Variants in RAB40B observed in about 807,000 individuals in gnomAD.
RAB40B encodes the protein RAB40B, member RAS oncogene family, also known as ras-related protein Rab-40B.
Under a neutral mutation model 24.0 loss-of-function variants are expected in RAB40B, and 21 were observed. The ratio of observed to expected loss-of-function variants is 0.88; its 90% CI spans 0.62 to 1.26. The LOEUF (loss-of-function observed/expected upper bound fraction) is 1.26. Among genes scored for constraint, RAB40B ranks in the 50% most tolerant of loss-of-function variants. The probability of loss-of-function intolerance (pLI) is 0.00; values close to 1 mark genes in which losing one functional copy is unlikely to be tolerated. For missense variants in RAB40B, 348 were observed against 390.5 expected (o/e 0.89, Z 0.92); for synonymous variants, 167 against 169.8 (o/e 0.98, Z 0.13).
At chr17:82,659,492 T>G in intron 4 of RAB40B, 88 bp downstream of exon 4, 1 of 1,346,236 alleles carries the variant, frequency 7.4e-7, no homozygotes, top group African/African-American at 1.4e-5. Context: ...TGGGTACCCA[T>G]GAGCCCTGGA....
At chr17:82,664,343 ACGG>A (rs2046225782) in intron 2 of RAB40B, among the ~76,000 whole-genome samples, 150 bp downstream of exon 2, 1 of 107,424 alleles carries the variant, frequency 9.3e-6, no homozygotes, top group African/African-American at 3.8e-5. Context: ...TGCTGTGCCG[ACGG>A]TGGTGGTGGG....
At chr17:82,687,908 C>T (rs190603182) in intron 1 of RAB40B, among the ~76,000 whole-genome samples, 3 of 152,276 alleles carry the variant, frequency 2.0e-5, no homozygotes, top group African/African-American at 7.2e-5. Flanking sequence ...CCTCTCTCTA[C>T]TAAAAATAAA....
chr17:82,697,767 G>T lies in RAB40B; in HGVS notation c.142+688C>A, dbSNP rs1377611274. Among the ~76,000 whole-genome samples, 1 of 152,142 alleles carries T rather than the reference G, an allele frequency of 6.6e-6. No individual in the cohort carries two copies. Among genetic ancestry groups the T allele is most frequent in the Non-Finnish European group, 1.5e-5 (1 of 68,020 alleles). The stretch of plus-strand genomic sequence containing the variant: ...CAAGCCTCAAACTTGGGGGATCCCC[G>T]GGCTGCCTGCCTGGGAGCTCTGGGC... On this transcript the variant is annotated intron_variant, in intron 1 of 5. Coordinates refer to ENST00000571995, the MANE Select transcript of RAB40B (RefSeq NM_006822.3). This position sits in a 1 kb window ranked among gnomAD's most constrained non-coding sequence, Gnocchi z 4.9.
intron 2 of RAB40B, chr17:82,662,869 C>G: frequency 1.0e-6 from 1 of 960,986 alleles, no homozygotes; most frequent in Non-Finnish European, 1.2e-6. Flanking sequence ...ACGCGCCAGC[C>G]CTGATGCAAG....
intron 3 of RAB40B, among the ~76,000 whole-genome samples, chr17:82,660,487 A>G (rs1432705421): frequency 6.8e-6 from 1 of 146,920 alleles, no homozygotes; most frequent in Non-Finnish European, 1.5e-5. Flanking sequence ...GCACACGTGT[A>G]CACATACACG....
chr17:82,674,177 C>T (rs1215051221), intron 1 of RAB40B, among the ~76,000 whole-genome samples: 4 of 151,620 alleles, frequency 2.6e-5, no homozygotes, highest in Non-Finnish European at 5.9e-5. Flanking sequence ...CCCAACTCTA[C>T]TAAAAATACA....
intron 1 of RAB40B, among the ~76,000 whole-genome samples, chr17:82,689,898 C>G (rs1432243519): frequency 2.0e-5 from 3 of 146,942 alleles, no homozygotes. Flanking sequence ...ACCCAGGAGG[C>G]GGAGGTTGCA....
At chr17:82,669,139 A>G (rs1276723261) in intron 1 of RAB40B, among the ~76,000 whole-genome samples, 1 of 151,914 alleles carries the variant, frequency 6.6e-6, no homozygotes, top group African/African-American at 2.4e-5. Context: ...GGAATTCGAA[A>G]CCAGCCTGGG....
intron 1 of RAB40B, among the ~76,000 whole-genome samples, chr17:82,668,505 C>T (rs934397929): frequency 6.6e-6 from 1 of 152,270 alleles, no homozygotes; most frequent in Non-Finnish European, 1.5e-5. Context: ...ACCCTCAGCC[C>T]TCCCTCAGCT....
intron 1 of RAB40B, among the ~76,000 whole-genome samples, chr17:82,683,969 C>T (rs2046470813): frequency 2.0e-5 from 3 of 152,038 alleles, no homozygotes; most frequent in Admixed American, 2.0e-4. Context: ...GCCTGTAATC[C>T]CAGCACTTTG....
intron 1 of RAB40B, among the ~76,000 whole-genome samples, chr17:82,673,738 G>A (rs1312797941): frequency 1.3e-5 from 2 of 152,204 alleles, no homozygotes; most frequent in South Asian, 2.1e-4. Context: ...ACACCTTGTG[G>A]GCCTTGCTGT....
In RAB40B at chr17:82,657,750, C is replaced by G. The variant is rs188137213; in HGVS notation, c.*113G>C. ...TCACACGGAAGGCGTCGCACACATTCGCAAGCAGCATTCGCCGAGAGGAAC... is the reference window on the plus strand; with the variant it reads ...TCACACGGAAGGCGTCGCACACATTGGCAAGCAGCATTCGCCGAGAGGAAC... On this transcript the variant is annotated 3_prime_UTR_variant, in exon 6 of 6. Coordinates refer to ENST00000571995, the MANE Select transcript of RAB40B (RefSeq NM_006822.3). The G allele has an allele frequency of 3.1e-6, 4 of 1,301,716 alleles. No homozygotes were observed. The highest frequency in any genetic ancestry group is 2.2e-6 in the Non-Finnish European group (2 of 897,716). 80.6% of individuals were successfully genotyped at this position (1,301,716 alleles called of 1,614,324 possible). A position where few individuals can be genotyped will look rare whatever the true frequency, so the allele number is the denominator to read the frequency against.
intron 1 of RAB40B, among the ~76,000 whole-genome samples, chr17:82,670,958 C>G (rs943108135): frequency 6.6e-6 from 1 of 152,040 alleles, no homozygotes; most frequent in South Asian, 2.1e-4. Flanking sequence ...CTGGCCCACC[C>G]GAACCCCTGT....
intron 1 of RAB40B, among the ~76,000 whole-genome samples, chr17:82,694,022 G>T (rs555409447): frequency 6.7e-6 from 1 of 149,588 alleles, no homozygotes; most frequent in East Asian, 1.9e-4. Flanking sequence ...GGCAGAGGTT[G>T]CAGTGAGCTG....
chr17:82,688,396 C>A (rs533110043), intron 1 of RAB40B, among the ~76,000 whole-genome samples: 2 of 150,060 alleles, frequency 1.3e-5, no homozygotes, highest in Non-Finnish European at 3.0e-5. Context: ...GGGTAGATCA[C>A]GAGGTCAGGA....
Position 82,657,916 on chromosome 17 carries a change from G to GGC in RAB40B, c.782_783dup (p.Pro262AlafsTer91). 7.7e-7 allele frequency: 1 copy of GGC among 1,291,674 alleles called. No homozygotes were observed. The highest frequency in any genetic ancestry group is 1.1e-6 in the Non-Finnish European group (1 of 912,674). 80.0% of individuals were successfully genotyped at this position (1,291,674 alleles called of 1,614,324 possible). A position where few individuals can be genotyped will look rare whatever the true frequency, so the allele number is the denominator to read the frequency against. On this transcript the variant is annotated frameshift_variant, in exon 6 of 6. Coordinates refer to ENST00000571995, the MANE Select transcript of RAB40B (RefSeq NM_006822.3). LOFTEE classifies it low-confidence loss of function (END_TRUNC). The stretch of plus-strand genomic sequence containing the variant: ...CAGTTTTTGGGGGGGCTCTGGGGGG[G>GGC]GCGGACGAGCTTCACTTTGCGGAGG...
intron 1 of RAB40B, among the ~76,000 whole-genome samples, chr17:82,685,231 A>C (rs866373865): frequency 3.3e-4 from 21 of 63,534 alleles, no homozygotes; most frequent in Admixed American, 6.2e-4. Flanking sequence ...AGGGGGAGGG[A>C]GGACGGAGGA....
Position 82,698,574 on chromosome 17 carries a change from A to G in RAB40B, c.23T>C (p.Val8Ala), listed in dbSNP as rs771683284. Residue 8 changes from valine to alanine, a missense_variant, in exon 1 of 6, where the codon GTC becomes GCC. Physicochemically the swap from Val to Ala is moderately conservative, Grantham distance 64. Around this residue, in one of 3 missense-constraint regions of RAB40B, gnomAD observed 101 missense variants for 85.5 expected, o/e 1.18. Transcript: ENST00000571995. ...CTTGAGCAGAAAGTCGTAGGCCCGG[A>G]CCGGGCTGCCCAGGGCGCTCATCGT... is the stretch of plus-strand genomic sequence containing the variant. Reference protein sequence around the residue: MSALGSPVRAYDFLLKFL... With the variant: MSALGSPARAYDFLLKFL... The G allele has an allele frequency of 2.0e-6, 3 of 1,505,618 alleles. No homozygotes were observed. In the African/African-American group the frequency reaches 4.4e-5, roughly 22 times the overall value. The allele number at this position is 1,505,618 out of a possible 1,614,324, so 93.3% of individuals were successfully genotyped here. A position where few individuals can be genotyped will look rare whatever the true frequency, so the allele number is the denominator to read the frequency against.
chr17:82,658,167 G>T, intron 5 of RAB40B, 33 bp from the exon 6 acceptor site: 1 of 1,596,492 alleles, frequency 6.3e-7, no homozygotes, highest in South Asian at 1.1e-5. Context: ...TTGCTTAGTG[G>T]ATGTCCCCAC....
Sources: gnomAD v4.1 joint callset for allele counts (sites outside exome capture counted in the v4.1 genomes callset) on GRCh38, gnomAD v4.1.1 for gene constraint, gnomAD v4.1.1 regional missense constraint, Gnocchi (gnomAD v3.1) non-coding constraint, MANE v1.5 for transcripts, NCBI Gene and HGNC (gene_info 2026-07-23, HGNC 2026-07-21) for gene names.